OLFM3: variants seen among roughly 807,000 people sequenced by gnomAD.
The protein encoded by OLFM3 is noelin-3.
In OLFM3, 20 loss-of-function variants were observed where a neutral mutation model predicts 48.6. The ratio of observed to expected loss-of-function variants is 0.41; its 90% CI spans 0.29 to 0.60. The LOEUF (loss-of-function observed/expected upper bound fraction) is 0.60, where lower values mean the gene tolerates loss of function less well. OLFM3 is among the 20% of genes least tolerant of loss of function. OLFM3 has a pLI of 0.28. For missense variants in OLFM3, 437 were observed against 544.3 expected (o/e 0.80, Z 1.96); for synonymous variants, 222 against 198.1 (o/e 1.12, Z -1.01).
At chr1:101,840,336 T>C (rs1055975820) in intron 1 of OLFM3, among the ~76,000 whole-genome samples, 2 of 152,078 alleles carry the variant, frequency 1.3e-5, no homozygotes, top group African/African-American at 4.8e-5. Flanking sequence ...ATTATACAGA[T>C]GAGGAAACAG....
At chr1:101,931,973 A>G (rs1308250708) in intron 1 of OLFM3, among the ~76,000 whole-genome samples, 1 of 152,190 alleles carries the variant, frequency 6.6e-6, no homozygotes, top group Non-Finnish European at 1.5e-5. Flanking sequence ...ATAATGAAAT[A>G]ATTGTTTATT....
chr1:101,934,961 C>T (rs1271377182), intron 1 of OLFM3, among the ~76,000 whole-genome samples: 2 of 151,894 alleles, frequency 1.3e-5, no homozygotes, highest in Admixed American at 1.3e-4. Context: ...TGAGACACTG[C>T]TAAACTGGTA....
chr1:101,819,559 T>G (rs34708542), intron 4 of OLFM3, among the ~76,000 whole-genome samples: 1 of 151,792 alleles, frequency 6.6e-6, no homozygotes, highest in East Asian at 1.9e-4. Context: ...TTTTGAGAAA[T>G]TGGTGAGGGG....
chr1:101,877,998 A>T (rs148432013), intron 1 of OLFM3, among the ~76,000 whole-genome samples: 1 of 151,898 alleles, frequency 6.6e-6, no homozygotes, highest in African/African-American at 2.4e-5. Context: ...CAGCTCACAA[A>T]GTGAAAGGAC....
chr1:101,854,105 C>T (rs546487162), intron 1 of OLFM3, among the ~76,000 whole-genome samples: 1 of 151,982 alleles, frequency 6.6e-6, no homozygotes, highest in East Asian at 1.9e-4. Context: ...ATATGTATAT[C>T]AAGTATCATG....
intron 1 of OLFM3, among the ~76,000 whole-genome samples, chr1:101,885,700 T>C (rs188914754): frequency 6.6e-6 from 1 of 152,232 alleles, no homozygotes; most frequent in Non-Finnish European, 1.5e-5. Flanking sequence ...TAATAACATT[T>C]TCTTTTCTCC....
Position 101,913,333 on chromosome 1 carries a change from G to A in OLFM3, c.70-76308C>T, listed in dbSNP as rs554756537. Among the ~76,000 whole-genome samples, 24 of 152,240 alleles carry A rather than the reference G, an allele frequency of 1.6e-4. 1 individual carries two copies. The South Asian group carries it at 3.7e-3, about 24-fold the overall frequency. ...GCATTAAATAATTTGGGACTTGAAC[G>A]CCCTCAACAGACAAGAGGCTAAGAA... On this transcript the variant is annotated intron_variant, in intron 1 of 5. Transcript: ENST00000370103.
In OLFM3 at chr1:101,907,616, A is replaced by G. The variant is rs193270787; in HGVS notation, c.70-70591T>C. Among the ~76,000 whole-genome samples the G allele has an allele frequency of 9.3e-4, 142 of 152,362 alleles. 3 individuals carry two copies. In the East Asian group the frequency reaches 0.02, roughly 21 times the overall value. On this transcript the variant is annotated intron_variant, in intron 1 of 5. Coordinates refer to ENST00000370103, the MANE Select transcript of OLFM3 (RefSeq NM_058170.4). ...TATGTTCCAAATTGTACATTTGTAA[A>G]TATTCATTTTAAAGTTTTCAACATT...
At chr1:101,842,416 A>C (rs1247972799) in intron 1 of OLFM3, among the ~76,000 whole-genome samples, 2 of 152,028 alleles carry the variant, frequency 1.3e-5, no homozygotes, top group Non-Finnish European at 1.5e-5. Context: ...CTATAGTCCC[A>C]GCTACTCAGT....
In OLFM3 at chr1:101,825,798, C is replaced by T. The variant is rs76984560; in HGVS notation, c.373-553G>A. On this transcript the variant is annotated intron_variant, in intron 3 of 5. Transcript: ENST00000370103. ...TTTTTCCATCATGGCCATCAACCAA[C>T]TTTGTTTTTCCTTTGTGCTCAGGTA... Among the ~76,000 whole-genome samples, 1,448 of 152,218 alleles carry T rather than the reference C, an allele frequency of 9.5e-3. 21 individuals are homozygous for T. Among genetic ancestry groups the T allele is most frequent in the African/African-American group, 0.033 (1,374 of 41,528 alleles).
chr1:101,988,920 G>A (rs1366292798), intron 1 of OLFM3, among the ~76,000 whole-genome samples: 4 of 152,070 alleles, frequency 2.6e-5, no homozygotes, highest in African/African-American at 7.2e-5. Flanking sequence ...CAAATTTGGG[G>A]TAGGGAGGAA....
intron 1 of OLFM3, among the ~76,000 whole-genome samples, chr1:101,878,673 T>C (rs1439574773): frequency 6.6e-6 from 1 of 151,776 alleles, no homozygotes; most frequent in Non-Finnish European, 1.5e-5. Flanking sequence ...TTGCCATGCA[T>C]CTTCTGGGTC....
In OLFM3 at chr1:101,830,655, G is replaced by A; in HGVS notation, c.372+17C>T. 5 of 1,613,884 alleles carry A rather than the reference G, an allele frequency of 3.1e-6. No homozygotes were observed. Among genetic ancestry groups the A allele is most frequent in the Non-Finnish European group, 4.2e-6 (5 of 1,179,834 alleles). The stretch of plus-strand genomic sequence containing the variant: ...ATGTCTGATTTGGATTGACAAGATT[G>A]CAGAAGTCAAACCTACCTGAAAATG... On this transcript the variant is annotated intron_variant, in intron 3 of 5. Coordinates refer to ENST00000370103, the MANE Select transcript of OLFM3 (RefSeq NM_058170.4).
chr1:101,985,249 C>T (rs1570691052), intron 1 of OLFM3, among the ~76,000 whole-genome samples: 1 of 152,214 alleles, frequency 6.6e-6, no homozygotes, highest in African/African-American at 2.4e-5. Context: ...GGATCATATT[C>T]TTATCTCAAG....
At chr1:101,860,251 C>G (rs906165935) in intron 1 of OLFM3, among the ~76,000 whole-genome samples, 1 of 151,800 alleles carries the variant, frequency 6.6e-6, no homozygotes, top group Non-Finnish European at 1.5e-5. Context: ...TAAATAGGTA[C>G]CAATATTTCT....
chr1:101,982,043 T>C (rs1260509828), intron 1 of OLFM3, among the ~76,000 whole-genome samples: 2 of 152,172 alleles, frequency 1.3e-5, no homozygotes, highest in African/African-American at 4.8e-5. Flanking sequence ...ATGACTAAAA[T>C]GTTTTAGGTT....
At chr1:101,881,271 T>C (rs770239847) in intron 1 of OLFM3, among the ~76,000 whole-genome samples, 3 of 151,884 alleles carry the variant, frequency 2.0e-5, no homozygotes, top group Non-Finnish European at 4.4e-5. Flanking sequence ...AAAAGTAAAA[T>C]TTACTAAAAG....
rs544707235 is a variant in OLFM3 at position 101,867,345 on chromosome 1, C to T, written c.70-30320G>A. 1.0e-3 allele frequency among the ~76,000 whole-genome samples: 157 copies of T among 152,098 alleles called. 1 individual carries two copies. Among genetic ancestry groups the T allele is most frequent in the Non-Finnish European group, 1.8e-3 (121 of 68,012 alleles). ...TCACTAACATAAATATTATAGACTG[C>T]GTTTTCAATATTACAGTGGTGTCAT... On this transcript the variant is annotated intron_variant, in intron 1 of 5. Transcript: ENST00000370103.
intron 1 of OLFM3, among the ~76,000 whole-genome samples, chr1:101,875,785 C>T (rs1657276715): frequency 6.6e-6 from 1 of 151,744 alleles, no homozygotes; most frequent in South Asian, 2.1e-4. Flanking sequence ...AATTCTCATA[C>T]CTAACTTCCA....
Sources: allele counts gnomAD v4.1 joint callset (sites outside exome capture counted in the v4.1 genomes callset), GRCh38; gene constraint gnomAD v4.1.1; transcripts MANE v1.5; gene names NCBI Gene and HGNC (gene_info 2026-07-23, HGNC 2026-07-21).